Variants in GRIK2 observed in about 807,000 individuals in gnomAD.
The protein encoded by GRIK2 is glutamate receptor ionotropic, kainate 2.
In GRIK2, 32 loss-of-function variants were observed where a neutral mutation model predicts 100.3. That is an observed-to-expected ratio of 0.32 (90% CI 0.24 to 0.43). The LOEUF is 0.43. Among genes scored for constraint, GRIK2 ranks in the 20% least tolerant of loss-of-function variants. GRIK2 has a pLI of 1.00. For missense variants in GRIK2, 843 were observed against 1,114.9 expected (o/e 0.76, Z 3.47); for synonymous variants, 417 against 389.4 (o/e 1.07, Z -0.83).
At chr6:101,451,471 G>A (rs764641349) in intron 2 of GRIK2, among the ~76,000 whole-genome samples, 1 of 151,570 alleles carries the variant, frequency 6.6e-6, no homozygotes. Context: ...CAATAAATTG[G>A]TTGAATAAAA....
chr6:101,480,731 A>G (rs1385124170), intron 2 of GRIK2, among the ~76,000 whole-genome samples: 1 of 152,184 alleles, frequency 6.6e-6, no homozygotes, highest in African/African-American at 2.4e-5. Context: ...AAAAAAAGAA[A>G]AAAAACTGGG....
At chr6:101,624,846 C>T (rs560980252) in intron 3 of GRIK2, among the ~76,000 whole-genome samples, 8 of 152,276 alleles carry the variant, frequency 5.3e-5, no homozygotes, top group African/African-American at 1.9e-4. Flanking sequence ...ATCCTCCCAC[C>T]TCAGCCTGCC....
At chr6:101,724,554 A>G (rs1774728311) in intron 7 of GRIK2, among the ~76,000 whole-genome samples, 1 of 152,070 alleles carries the variant, frequency 6.6e-6, no homozygotes, top group Middle Eastern at 3.4e-3. Flanking sequence ...CTAGGATTCC[A>G]TGGTGTACAT....
At chr6:101,783,512 G>A (rs1779235647) in intron 7 of GRIK2, among the ~76,000 whole-genome samples, 1 of 152,166 alleles carries the variant, frequency 6.6e-6, no homozygotes, top group East Asian at 1.9e-4. Context: ...AAGAGAATTG[G>A]TACTGAAAGT....
chr6:101,997,000 T>C (rs1329014827), intron 14 of GRIK2, among the ~76,000 whole-genome samples: 1 of 152,126 alleles, frequency 6.6e-6, no homozygotes, highest in Admixed American at 6.6e-5. Flanking sequence ...GTTATTTGAG[T>C]TGTTAAAAAA....
chr6:101,686,413 A>G, intron 7 of GRIK2, 60 bp downstream of exon 7: 1 of 1,302,640 alleles, frequency 7.7e-7, no homozygotes, highest in South Asian at 1.3e-5. Context: ...CATACATATG[A>G]ACTTCTGGGT....
At chr6:101,797,675 A>G (rs1171161647) in intron 7 of GRIK2, among the ~76,000 whole-genome samples, 1 of 25,826 alleles carries the variant, frequency 3.9e-5, no homozygotes, top group Non-Finnish European at 6.3e-5. Flanking sequence ...TCCATAATAA[A>G]CCATTATATA....
intron 14 of GRIK2, among the ~76,000 whole-genome samples, chr6:102,030,995 C>G (rs957185224): frequency 1.3e-5 from 2 of 150,392 alleles, no homozygotes; most frequent in Non-Finnish European, 3.0e-5. Context: ...CAGTAATGCT[C>G]AAGTGTAAAC....
chr6:101,733,146 C>T (rs1195419213), intron 7 of GRIK2, among the ~76,000 whole-genome samples: 1 of 152,078 alleles, frequency 6.6e-6, no homozygotes, highest in East Asian at 1.9e-4. Context: ...GTTCATTTCA[C>T]CCAAATACCC....
intron 7 of GRIK2, among the ~76,000 whole-genome samples, chr6:101,767,697 G>A (rs527341096): frequency 6.6e-6 from 1 of 152,026 alleles, no homozygotes; most frequent in Admixed American, 6.6e-5. Context: ...AATTACCTCT[G>A]AGGAAGTCAG....
intron 2 of GRIK2, among the ~76,000 whole-genome samples, chr6:101,401,807 G>C (rs1217900415): frequency 6.6e-6 from 1 of 152,176 alleles, no homozygotes; most frequent in Non-Finnish European, 1.5e-5. Flanking sequence ...CTCATGCCCT[G>C]GACCCGTGCC....
chr6:102,031,111 A>T (rs1300361187), intron 14 of GRIK2, among the ~76,000 whole-genome samples: 1 of 142,558 alleles, frequency 7.0e-6, no homozygotes, highest in Non-Finnish European at 1.6e-5. Context: ...ACACACACAC[A>T]CACACACACA....
chr6:101,708,001 A>G (rs1773456905), intron 7 of GRIK2, among the ~76,000 whole-genome samples: 1 of 151,746 alleles, frequency 6.6e-6, no homozygotes, highest in Admixed American at 6.6e-5. Flanking sequence ...AATTGCATTC[A>G]TTCACTCCTT....
chr6:101,996,106 A>G (rs778884118), intron 14 of GRIK2, among the ~76,000 whole-genome samples: 5 of 152,040 alleles, frequency 3.3e-5, no homozygotes, highest in Middle Eastern at 3.2e-3. Context: ...TCTCCCACAT[A>G]TAATACCTTA....
At chr6:101,854,414 C>T (rs546522078) in intron 10 of GRIK2, among the ~76,000 whole-genome samples, 1 of 152,170 alleles carries the variant, frequency 6.6e-6, no homozygotes, top group South Asian at 2.1e-4. Flanking sequence ...CACCTGCCAC[C>T]ACACCCGGCT....
intron 4 of GRIK2, among the ~76,000 whole-genome samples, chr6:101,638,266 TAAGTAAACAA>T (rs1193525058): frequency 6.6e-6 from 1 of 150,812 alleles, no homozygotes; most frequent in Non-Finnish European, 1.5e-5. Context: ...CGGAGATATA[TAAGTAAACAA>T]AATAGATAAA....
At chr6:102,016,846 GA>G (rs1027879760) in intron 14 of GRIK2, among the ~76,000 whole-genome samples, 1 of 151,900 alleles carries the variant, frequency 6.6e-6, no homozygotes, top group African/African-American at 2.4e-5. Flanking sequence ...AGGTCAAAAT[GA>G]AAAAATAAAT....
chr6:101,719,000 T>C (rs975510728), intron 7 of GRIK2, among the ~76,000 whole-genome samples: 3 of 151,970 alleles, frequency 2.0e-5, no homozygotes, highest in African/African-American at 7.2e-5. Flanking sequence ...TATATTTATC[T>C]CAATATTTCC....
intron 2 of GRIK2, among the ~76,000 whole-genome samples, chr6:101,565,572 A>G (rs1777215824): frequency 6.6e-6 from 1 of 152,054 alleles, no homozygotes. Context: ...AACAAAGAAG[A>G]TTGCATTGAA....
Sources: gnomAD v4.1 joint callset for allele counts (sites outside exome capture counted in the v4.1 genomes callset) on GRCh38, gnomAD v4.1.1 for gene constraint, MANE v1.5 for transcripts, NCBI Gene and HGNC (gene_info 2026-07-23, HGNC 2026-07-21) for gene names.